PDE4D: variants seen among roughly 807,000 people sequenced by gnomAD.
PDE4D encodes the protein phosphodiesterase 4D.
In PDE4D, 24 loss-of-function variants were observed where a neutral mutation model predicts 87.4. The ratio of observed to expected loss-of-function variants is 0.27; its 90% CI spans 0.20 to 0.39. The LOEUF (loss-of-function observed/expected upper bound fraction) is 0.39. Among genes scored for constraint, PDE4D ranks in the 10% least tolerant of loss-of-function variants. The probability of loss-of-function intolerance (pLI) is 1.00; values close to 1 mark genes in which losing one functional copy is unlikely to be tolerated. For missense variants in PDE4D, 714 were observed against 1,041.0 expected (o/e 0.69, Z 4.32); for synonymous variants, 384 against 383.2 (o/e 1.00, Z -0.02).
chr5:58,977,038 A>G (rs1048177609), intron 12 of PDE4D, among the ~76,000 whole-genome samples, 153 bp downstream of exon 12: 3 of 152,162 alleles, frequency 2.0e-5, no homozygotes, highest in Admixed American at 6.5e-5. Flanking sequence ...ACAGAACATC[A>G]CAGCCAGCAT....
chr5:59,584,513 C>G (rs766639825), intron 1 of PDE4D, among the ~76,000 whole-genome samples: 22 of 152,182 alleles, frequency 1.4e-4, no homozygotes, highest in Non-Finnish European at 4.4e-5. Context: ...CTCAACTTCT[C>G]CATACAGCTT....
chr5:59,596,381 T>C (rs1020280012), intron 1 of PDE4D, among the ~76,000 whole-genome samples: 1 of 151,718 alleles, frequency 6.6e-6, no homozygotes, highest in Non-Finnish European at 1.5e-5. Context: ...TACATGTATT[T>C]TTATTTCGGC....
intron 1 of PDE4D, among the ~76,000 whole-genome samples, chr5:59,512,227 C>T (rs770225437): frequency 6.6e-6 from 1 of 152,120 alleles, no homozygotes; most frequent in Non-Finnish European, 1.5e-5. Context: ...AGACTACACC[C>T]TTTTGAATGC....
intron 6 of PDE4D, among the ~76,000 whole-genome samples, chr5:59,031,695 G>A (rs1293020536): frequency 2.9e-5 from 3 of 103,682 alleles, no homozygotes; most frequent in East Asian, 2.9e-4. Flanking sequence ...GCTACAAAGC[G>A]AGACTCCACC....
chr5:58,991,855 CAGT>C lies in PDE4D; in HGVS notation c.1162_1164del (p.Thr388del). 6.6e-7 allele frequency: 1 copy of C among 1,515,884 alleles called. No individual in the cohort carries two copies. The highest frequency in any genetic ancestry group is 2.1e-5 in the Admixed American group (1 of 46,660). 93.9% of individuals were successfully genotyped at this position (1,515,884 alleles called of 1,614,324 possible). ...ACCTTGGCAAGGACATCTTCTTGTT[CAGT>C]TTTAACTCCAAACCTTGGGATACTT... On this transcript the variant is annotated inframe_deletion, in exon 8 of 15. Transcript: ENST00000340635.
At chr5:59,774,295 G>C (rs1763859060) in intron 1 of PDE4D, among the ~76,000 whole-genome samples, 1 of 152,152 alleles carries the variant, frequency 6.6e-6, no homozygotes, top group South Asian at 2.1e-4. Flanking sequence ...AATGGAAAGA[G>C]AGTACAAGAC....
chr5:59,000,078 T>G (rs1750181432), intron 6 of PDE4D: 2 of 186,738 alleles, frequency 1.1e-5, no homozygotes, highest in Admixed American at 6.5e-5. Context: ...GGCCAGCCTC[T>G]GGGGAGGCTT....
intron 1 of PDE4D, among the ~76,000 whole-genome samples, chr5:59,874,638 A>T (rs763659833): frequency 6.6e-6 from 1 of 152,198 alleles, no homozygotes; most frequent in Non-Finnish European, 1.5e-5. Flanking sequence ...AAGAACCAGC[A>T]ATACTGTACC....
chr5:59,428,312 T>A (rs925879739), intron 1 of PDE4D, among the ~76,000 whole-genome samples: 1 of 152,052 alleles, frequency 6.6e-6, no homozygotes, highest in Non-Finnish European at 1.5e-5. Context: ...GAAAAGCCAA[T>A]TTTTTTTATC....
At chr5:59,626,401 A>G (rs996270291) in intron 1 of PDE4D, among the ~76,000 whole-genome samples, 1 of 152,252 alleles carries the variant, frequency 6.6e-6, no homozygotes, top group Non-Finnish European at 1.5e-5. Context: ...TAAAGCTGAA[A>G]GTACTATTGA....
intron 1 of PDE4D, among the ~76,000 whole-genome samples, chr5:60,478,833 C>T (rs1199274919): frequency 6.6e-6 from 1 of 152,204 alleles, no homozygotes; most frequent in Non-Finnish European, 1.5e-5. Flanking sequence ...TTTTAGTTCA[C>T]TCAGAATCCA....
intron 6 of PDE4D, among the ~76,000 whole-genome samples, chr5:59,030,440 A>AC (rs1242709481): frequency 1.3e-5 from 2 of 151,038 alleles, no homozygotes; most frequent in African/African-American, 2.4e-5. Flanking sequence ...AAAAAAAAAA[A>AC]AAAAAACAAT....
Position 59,971,674 on chromosome 5 carries a change from C to T in PDE4D, c.272+16814G>A, listed in dbSNP as rs78607007. On this transcript the variant is annotated intron_variant, in intron 3 of 16. Transcript: ENST00000502484. ...TCTCAAGAGACTCTTCTCTTCACTA[C>T]CCTCCTTTTGTTATCTTTTTATGTA... 3.9e-3 allele frequency among the ~76,000 whole-genome samples: 594 copies of T among 152,192 alleles called. 4 individuals are homozygous for T. Among genetic ancestry groups the T allele is most frequent in the African/African-American group, 0.014 (563 of 41,524 alleles).
intron 1 of PDE4D, among the ~76,000 whole-genome samples, chr5:60,390,354 A>G (rs74383249): frequency 0.026 from 3,920 of 152,296 alleles, 151 homozygotes; most frequent in African/African-American, 0.088. Flanking sequence ...CTTTGCCAAC[A>G]GTACTCTGTG....
chr5:59,175,832 A>G (rs1359191203), intron 5 of PDE4D, among the ~76,000 whole-genome samples: 1 of 130,042 alleles, frequency 7.7e-6, no homozygotes, highest in African/African-American at 3.0e-5. Flanking sequence ...GTCTCATTAC[A>G]TTGCCCAGGC....
chr5:59,766,377 T>C (rs1342678229), intron 1 of PDE4D, among the ~76,000 whole-genome samples: 1 of 152,282 alleles, frequency 6.6e-6, no homozygotes, highest in Admixed American at 6.5e-5. Flanking sequence ...AAATGAAATA[T>C]TGATAGAAAT....
At chr5:59,791,495 G>A (rs1432323303) in intron 1 of PDE4D, among the ~76,000 whole-genome samples, 1 of 152,188 alleles carries the variant, frequency 6.6e-6, no homozygotes, top group African/African-American at 2.4e-5. Flanking sequence ...CATAAAAGCA[G>A]GGTAAATGAT....
At chr5:59,916,014 A>C (rs1455184859) in intron 3 of PDE4D, among the ~76,000 whole-genome samples, 1 of 152,196 alleles carries the variant, frequency 6.6e-6, no homozygotes, top group Non-Finnish European at 1.5e-5. Flanking sequence ...TAGTCCCCAG[A>C]ACTATCTATA....
intron 1 of PDE4D, among the ~76,000 whole-genome samples, chr5:59,463,690 A>G (rs1801112427): frequency 6.6e-6 from 1 of 152,226 alleles, no homozygotes; most frequent in Admixed American, 6.5e-5. Context: ...GCTAGGTCAA[A>G]TTAGCACCTG....
Sources: allele counts gnomAD v4.1 joint callset (sites outside exome capture counted in the v4.1 genomes callset), GRCh38; gene constraint gnomAD v4.1.1; transcripts MANE v1.5; gene names NCBI Gene and HGNC (gene_info 2026-07-23, HGNC 2026-07-21).